The following TDRD3 variants were observed in gnomAD, a reference collection of about 807,000 sequenced individuals.
TDRD3 encodes tudor domain-containing protein 3.
A neutral mutation model predicts 86.7 loss-of-function variants in TDRD3; 45 were observed. That is an observed-to-expected ratio of 0.52 (90% CI 0.41 to 0.67). TDRD3 has a LOEUF of 0.67. Among genes scored for constraint, TDRD3 ranks in the 30% least tolerant of loss-of-function variants. The pLI, the probability that TDRD3 is intolerant of heterozygous loss-of-function variation, is 0.00. For synonymous variants in TDRD3, 298 were observed against 301.7 expected (o/e 0.99, Z 0.13); for missense variants, 814 against 889.0 (o/e 0.92, Z 1.07).
intron 8 of TDRD3, among the ~76,000 whole-genome samples, chr13:60,509,136 C>T (rs1240949759): frequency 2.0e-5 from 3 of 152,016 alleles, no homozygotes; most frequent in Non-Finnish European, 2.9e-5. Flanking sequence ...GAAATTTCTT[C>T]GTAGGATATG....
chr13:60,404,961 G>A (rs1249161870), intron 1 of TDRD3, among the ~76,000 whole-genome samples: 1 of 152,170 alleles, frequency 6.6e-6, no homozygotes. Context: ...TTAAAAATGG[G>A]AGGTGCCCTG....
intron 11 of TDRD3, among the ~76,000 whole-genome samples, chr13:60,531,902 T>C (rs1480546654): frequency 6.6e-6 from 1 of 152,098 alleles, no homozygotes; most frequent in African/African-American, 2.4e-5. Flanking sequence ...CTACAGATAA[T>C]TAGATTGAGC....
intron 3 of TDRD3, among the ~76,000 whole-genome samples, chr13:60,459,093 TATA>T (rs1027665240): frequency 1.3e-5 from 2 of 152,204 alleles, no homozygotes; most frequent in African/African-American, 4.8e-5. Context: ...GGCCTAAATT[TATA>T]ATAACAAAAT....
intron 12 of TDRD3, among the ~76,000 whole-genome samples, chr13:60,555,117 A>G (rs1330446190): frequency 2.6e-5 from 4 of 152,196 alleles, no homozygotes; most frequent in Non-Finnish European, 5.9e-5. Context: ...AATGACTGAG[A>G]AGGTTTTCTA....
At chr13:60,443,610 TG>T (rs1955333140) in intron 2 of TDRD3, among the ~76,000 whole-genome samples, 1 of 151,958 alleles carries the variant, frequency 6.6e-6, no homozygotes, top group South Asian at 2.1e-4. Context: ...TTATGGTAGG[TG>T]TTAAAAGAAG....
rs754278919 is a variant in TDRD3, at chr13:60,528,734, G to A, written c.1509G>A (p.Met503Ile). 13 of 1,613,084 alleles carry A rather than the reference G, an allele frequency of 8.1e-6. No individual in the cohort carries two copies. In the South Asian group the frequency reaches 1.3e-4, roughly 16 times the overall value. Residue 503 changes from methionine to isoleucine, a missense_variant, in exon 11 of 14, where the codon ATG (methionine) becomes ATA (isoleucine). Transcript: ENST00000377881. The stretch of plus-strand genomic sequence containing the variant: ...CTTTTAAAAAAAGAGATAACTCTAT[G>A]CAAAGCAGATCAGGAAAAGGTCCCT... ...DGAFKKRDNS[M>I]QSRSGKGPSF...
chr13:60,538,417 A>G (rs1182127093), intron 12 of TDRD3, among the ~76,000 whole-genome samples: 1 of 136,088 alleles, frequency 7.3e-6, no homozygotes, highest in Non-Finnish European at 1.6e-5. Flanking sequence ...AAGGTATTCT[A>G]TCTTAATTTG....
At chr13:60,438,149 A>G (rs1245846583) in intron 1 of TDRD3, among the ~76,000 whole-genome samples, 1 of 152,176 alleles carries the variant, frequency 6.6e-6, no homozygotes, top group Admixed American at 6.6e-5. Flanking sequence ...TACTTTTCAC[A>G]TAAGCGGGGC....
At chr13:60,553,973 C>T (rs943104465) in intron 12 of TDRD3, among the ~76,000 whole-genome samples, 7 of 152,120 alleles carry the variant, frequency 4.6e-5, no homozygotes, top group Admixed American at 2.0e-4. Flanking sequence ...ATGAAAGAAC[C>T]GTGCTCCTTT....
At chr13:60,460,233 T>A (rs1391160086) in intron 3 of TDRD3, 147 bp from the exon 4 acceptor site, 2 of 684,054 alleles carry the variant, frequency 2.9e-6, no homozygotes, top group East Asian at 7.0e-5. Flanking sequence ...CTTGATAATA[T>A]ATAATTTCAG....
Position 60,535,183 on chromosome 13 carries a change from T to C in TDRD3, c.2068T>C (p.Tyr690His). The C allele has an allele frequency of 6.8e-6, 11 of 1,613,914 alleles. No homozygotes were observed. Among genetic ancestry groups the C allele is most frequent in the Non-Finnish European group, 9.3e-6 (11 of 1,179,880 alleles). Residue 690 changes from tyrosine to histidine, a missense_variant, in exon 12 of 14, where the codon TAT becomes CAT. By Grantham distance (83) the Tyr-to-His change is moderately conservative. Coordinates refer to ENST00000377881, the MANE Select transcript of TDRD3 (RefSeq NM_001146070.2). ...TGTTAAATTCATTGACTACGGAAAC[T>C]ATGAAGAGGTGCTACTGAGCAATAT... ...AVVKFIDYGN[Y>H]EEVLLSNIKP...
At chr13:60,443,668 T>A (rs948400349) in intron 2 of TDRD3, among the ~76,000 whole-genome samples, 2 of 151,980 alleles carry the variant, frequency 1.3e-5, no homozygotes, top group African/African-American at 2.4e-5. Flanking sequence ...ACAGTAATTT[T>A]AATCATCTAG....
chr13:60,510,778 C>G (rs1181167775), intron 10 of TDRD3, 23 bp downstream of exon 10: 1 of 1,466,398 alleles, frequency 6.8e-7, no homozygotes, highest in African/African-American at 1.5e-5. Flanking sequence ...AAAGTTGATT[C>G]CTTTTTTTTT....
chr13:60,438,782 A>T (rs559757600), intron 1 of TDRD3, among the ~76,000 whole-genome samples: 1 of 152,216 alleles, frequency 6.6e-6, no homozygotes, highest in East Asian at 1.9e-4. Context: ...CTTGAGTTAG[A>T]TCTCTTAGAC....
At chr13:60,493,169 C>T (rs1172768415) in intron 7 of TDRD3, among the ~76,000 whole-genome samples, 5 of 151,726 alleles carry the variant, frequency 3.3e-5, no homozygotes, top group East Asian at 1.9e-4. Flanking sequence ...CCACCCGTCT[C>T]GGCCTCCCAA....
intron 12 of TDRD3, among the ~76,000 whole-genome samples, chr13:60,556,446 A>G (rs1413739459): frequency 6.6e-6 from 1 of 152,238 alleles, no homozygotes; most frequent in Non-Finnish European, 1.5e-5. Context: ...TCATTAACAC[A>G]TGGACTTTAA....
Position 60,532,133 on chromosome 13 carries a change from TAAAA to T in TDRD3, c.1992+2921_1992+2924del, listed in dbSNP as rs200978606. Among the ~76,000 whole-genome samples, 58 of 152,074 alleles carry T rather than the reference TAAAA, an allele frequency of 3.8e-4. No individual in the cohort carries two copies. The East Asian group carries it at 0.01, about 26-fold the overall frequency. ...AATAGCTGTGGTGAAAAAATTAAATTAAAAAAAATCAAAGTACCAAATTTATTGC... is the reference window on the plus strand; with the variant it reads ...AATAGCTGTGGTGAAAAAATTAAATTAAAATCAAAGTACCAAATTTATTGC... On this transcript the variant is annotated intron_variant, in intron 11 of 13. Transcript: ENST00000377881.
At chr13:60,407,527 T>C (rs1220034116) in intron 1 of TDRD3, among the ~76,000 whole-genome samples, 1 of 152,232 alleles carries the variant, frequency 6.6e-6, no homozygotes, top group Non-Finnish European at 1.5e-5. Flanking sequence ...TTCTACCTTG[T>C]TTATAGAATT....
intron 12 of TDRD3, among the ~76,000 whole-genome samples, chr13:60,541,816 C>A (rs1200848863): frequency 6.8e-6 from 1 of 148,148 alleles, no homozygotes; most frequent in South Asian, 2.2e-4. Context: ...CAACCTCCGC[C>A]TCCTGGGTTC....
Sources: allele counts gnomAD v4.1 joint callset (sites outside exome capture counted in the v4.1 genomes callset), GRCh38; gene constraint gnomAD v4.1.1; transcripts MANE v1.5; gene names NCBI Gene and HGNC (gene_info 2026-07-23, HGNC 2026-07-21).